Variants in FBXO21 observed in about 807,000 individuals in gnomAD.
The protein encoded by FBXO21 is F-box only protein 21.
FBXO21 carries 32 observed loss-of-function variants against 76.6 expected under a neutral mutation model. The ratio of observed to expected loss-of-function variants is 0.42; its 90% CI spans 0.32 to 0.56. The LOEUF (loss-of-function observed/expected upper bound fraction) is 0.56. Among genes scored for constraint, FBXO21 ranks in the 20% least tolerant of loss-of-function variants. The probability of loss-of-function intolerance (pLI) is 0.16; values close to 1 mark genes in which losing one functional copy is unlikely to be tolerated. For synonymous variants in FBXO21, 328 were observed against 311.5 expected (o/e 1.05, Z -0.56); for missense variants, 586 against 797.3 (o/e 0.73, Z 3.19).
intron 10 of FBXO21, 52 bp from the exon 11 acceptor site, chr12:117,156,000 C>A: frequency 6.4e-7 from 1 of 1,574,006 alleles, no homozygotes; most frequent in Non-Finnish European, 8.7e-7. Flanking sequence ...CCGCAACAAC[C>A]TCCAGACAAC....
intron 7 of FBXO21, among the ~76,000 whole-genome samples, chr12:117,168,523 C>CAAAAAAATAA (rs1197114253): frequency 1.4e-5 from 2 of 146,222 alleles, no homozygotes; most frequent in East Asian, 4.0e-4. Flanking sequence ...GACTCCATCT[C>CAAAAAAATAA]AAAAAAATAA....
Position 117,166,967 on chromosome 12 carries a change from A to G in FBXO21, c.1124T>C (p.Leu375Pro), listed in dbSNP as rs768665336. 1 of 1,614,112 alleles carries G rather than the reference A, an allele frequency of 6.2e-7. No homozygotes were observed. Among genetic ancestry groups the G allele is most frequent in the Admixed American group, 1.7e-5 (1 of 60,014 alleles). The change falls in exon 8 of 12, where the codon CTG (leucine) becomes CCG (proline). Residue 375 changes from leucine (L) to proline (P), a missense_variant. Physicochemically the swap from Leu to Pro is moderately conservative, Grantham distance 98. Transcript: ENST00000622495. ...CTTCTTGACATTGACCACCCCATACAGTGCTGCAGTCACGTGCTGGCCGAT... is the reference window on the plus strand; with the variant it reads ...CTTCTTGACATTGACCACCCCATACGGTGCTGCAGTCACGTGCTGGCCGAT... ...YLIGQHVTAA[L>P]YGVVNVKKVL... is the part of the protein sequence containing the mutation.
chr12:117,174,728 A>G lies in FBXO21; in HGVS notation c.662T>C (p.Ile221Thr), dbSNP rs747137561. 9 of 1,614,216 alleles carry G rather than the reference A, an allele frequency of 5.6e-6. No individual in the cohort carries two copies. The highest frequency in any genetic ancestry group is 7.6e-6 in the Non-Finnish European group (9 of 1,180,028). ...DISLKDIQAQIDSIVELVCKT... is the reference protein window; with the variant it reads ...DISLKDIQAQTDSIVELVCKT... Reference sequence around the variant, plus strand: ...GCAAACAAGCTCCACGATGCTGTCAATTTGGGCCTGGATGTCTTTGAGGCT... The same window carrying G: ...GCAAACAAGCTCCACGATGCTGTCAGTTTGGGCCTGGATGTCTTTGAGGCT... Residue 221 changes from isoleucine to threonine, a missense_variant, in exon 5 of 12, where the codon ATT (isoleucine) becomes ACT (threonine). Physicochemically the swap from Ile to Thr is moderately conservative, Grantham distance 89 (BLOSUM62 -1). Coordinates refer to ENST00000622495, the MANE Select transcript of FBXO21 (RefSeq NM_015002.3).
intron 7 of FBXO21, among the ~76,000 whole-genome samples, chr12:117,168,073 G>A (rs892531607): frequency 3.3e-5 from 5 of 152,144 alleles, no homozygotes; most frequent in Non-Finnish European, 7.3e-5. Flanking sequence ...TCCTCATGGA[G>A]GATTCAGGTG....
Position 117,174,786 on chromosome 12 carries a change from T to C in FBXO21, c.604A>G (p.Ile202Val), listed in dbSNP as rs751522005. ...GAGAGAGGATTGCAGTACTGGTCAATATATACAGCACCTGAAAATGAACAA... is the reference window on the plus strand; with the variant it reads ...GAGAGAGGATTGCAGTACTGGTCAACATATACAGCACCTGAAAATGAACAA... ...YESYLEGAVY[I>V]DQYCNPLSDI... Residue 202 changes from isoleucine to valine, a missense_variant, in exon 5 of 12, where the codon ATT becomes GTT. Physicochemically the swap from Ile to Val is conservative, Grantham distance 29. This residue lies in a region of FBXO21 where 246 missense variants were observed against 356.8 expected (regional missense o/e 0.69). Coordinates refer to ENST00000622495, the MANE Select transcript of FBXO21 (RefSeq NM_015002.3). The C allele has an allele frequency of 1.4e-5, 23 of 1,613,716 alleles. 1 individual carries two copies. The South Asian group carries it at 1.8e-4, about 12-fold the overall frequency.
rs745931273 is a variant in FBXO21 at position 117,143,177 on chromosome 12, T to C, written c.*2910A>G. The C allele has an allele frequency of 6.6e-6, 1 of 152,188 alleles. No homozygotes were observed. The highest frequency in any genetic ancestry group is 1.9e-4 in the East Asian group (1 of 5,192). The allele number at this position is 152,188 out of a possible 1,614,324, so 9.4% of individuals were successfully genotyped here. ...CTCACTGAGACAGCTTTTCAAAGCATGTCTGCAAACACCGGACCCCCGGGG... is the reference window on the plus strand; with the variant it reads ...CTCACTGAGACAGCTTTTCAAAGCACGTCTGCAAACACCGGACCCCCGGGG... On this transcript the variant is annotated 3_prime_UTR_variant, in exon 12 of 12. Coordinates refer to ENST00000622495, the MANE Select transcript of FBXO21 (RefSeq NM_015002.3).
chr12:117,152,390 C>G (rs1955853606), intron 11 of FBXO21, among the ~76,000 whole-genome samples: 1 of 151,308 alleles, frequency 6.6e-6, no homozygotes, highest in Non-Finnish European at 1.5e-5. Context: ...CAATTGAGCC[C>G]AGGAGGTTGA....
intron 11 of FBXO21, among the ~76,000 whole-genome samples, chr12:117,152,852 A>G (rs1227616033): frequency 1.3e-5 from 2 of 152,188 alleles, no homozygotes; most frequent in East Asian, 3.9e-4. Context: ...CAAATATGGG[A>G]ATCATTTACT....
chr12:117,147,939 GAATT>G (rs972665558), intron 11 of FBXO21, among the ~76,000 whole-genome samples: 61 of 152,326 alleles, frequency 4.0e-4, no homozygotes, highest in African/African-American at 1.4e-3. Context: ...ATGGGTCTAT[GAATT>G]AATACCAGTA....
chr12:117,181,597 C>CAG (rs11281087), intron 3 of FBXO21, among the ~76,000 whole-genome samples: 29,608 of 136,580 alleles, frequency 0.22, 3,088 homozygotes, highest in East Asian at 0.27. Context: ...CTATCTGAGA[C>CAG]AGTCTATCTA....
chr12:117,172,546 C>T lies in FBXO21; in HGVS notation c.938G>A (p.Arg313Gln), dbSNP rs765884481. The change falls in exon 7 of 12, where the codon CGG becomes CAG. Residue 313 changes from arginine to glutamine, a missense_variant. This residue lies in a region of FBXO21 where 246 missense variants were observed against 356.8 expected (regional missense o/e 0.69). Transcript: ENST00000622495. ...SMSLLYLTIA[R>Q]QLGVPLEPVN... Reference sequence around the variant, plus strand: ...AGGCTCCAGTGGGACTCCCAACTGCCGAGCAATTGTCAAATAGAGCAGAGA... The same window carrying T: ...AGGCTCCAGTGGGACTCCCAACTGCTGAGCAATTGTCAAATAGAGCAGAGA... 9.9e-6 allele frequency: 16 copies of T among 1,613,952 alleles called. No homozygotes were observed. The Admixed American group carries it at 1.2e-4, about 12-fold the overall frequency.
intron 1 of FBXO21, among the ~76,000 whole-genome samples, 168 bp downstream of exon 1, chr12:117,190,050 G>GC (rs958459385): frequency 2.6e-5 from 4 of 151,910 alleles, no homozygotes; most frequent in Non-Finnish European, 4.4e-5. Flanking sequence ...GCCTGGCGTG[G>GC]CCCCGCAGGG....
chr12:117,189,449 G>T, intron 1 of FBXO21, 87 bp from the exon 2 acceptor site: 1 of 1,466,186 alleles, frequency 6.8e-7, no homozygotes, highest in Non-Finnish European at 9.5e-7. Flanking sequence ...AACAGGGACA[G>T]CAGTGGCGTC....
rs1593051975 is a variant in FBXO21, at chr12:117,144,422, T to A, written c.*1665A>T. 6.6e-6 allele frequency: 1 copy of A among 152,238 alleles called. No homozygotes were observed. Among genetic ancestry groups the A allele is most frequent in the Admixed American group, 6.5e-5 (1 of 15,282 alleles). 9.4% of individuals were successfully genotyped at this position (152,238 alleles called of 1,614,324 possible). A position where few individuals can be genotyped will look rare whatever the true frequency, so the allele number is the denominator to read the frequency against. ...AGTGGATTAAATAGCTCATTCAGGCTGGAGGAGCCAGGGGCCAAATCCCCA... is the reference window on the plus strand; with the variant it reads ...AGTGGATTAAATAGCTCATTCAGGCAGGAGGAGCCAGGGGCCAAATCCCCA... On this transcript the variant is annotated 3_prime_UTR_variant, in exon 12 of 12. Coordinates refer to ENST00000622495, the MANE Select transcript of FBXO21 (RefSeq NM_015002.3).
intron 8 of FBXO21, among the ~76,000 whole-genome samples, chr12:117,166,051 G>T (rs544359667): frequency 6.6e-6 from 1 of 152,136 alleles, no homozygotes; most frequent in Non-Finnish European, 1.5e-5. Context: ...TTAGCTGGGC[G>T]TGGTGGCGCA....
intron 8 of FBXO21, 104 bp from the exon 9 acceptor site, chr12:117,165,721 C>A: frequency 1.7e-6 from 2 of 1,157,086 alleles, no homozygotes; most frequent in Non-Finnish European, 2.3e-6. Context: ...AAATCCCAAA[C>A]GTTTTCTGAT....
Position 117,142,660 on chromosome 12 carries a change from C to T in FBXO21, c.*3427G>A, listed in dbSNP as rs571813677. On this transcript the variant is annotated 3_prime_UTR_variant, in exon 12 of 12. Coordinates refer to ENST00000622495, the MANE Select transcript of FBXO21 (RefSeq NM_015002.3). ...ATTTTGCATTTTGTCCAGTTGATGT[C>T]TCTCCTTCCCTCCAAAAAAAAAAAA... The T allele has an allele frequency of 6.0e-5, 8 of 132,364 alleles. No homozygotes were observed. In the South Asian group the frequency reaches 1.9e-3, roughly 31 times the overall value. The allele number at this position is 132,364 out of a possible 1,614,324, so 8.2% of individuals were successfully genotyped here. A position where few individuals can be genotyped will look rare whatever the true frequency, so the allele number is the denominator to read the frequency against.
At chr12:117,181,599 GTCTATCTATCT>G (rs1202063597) in intron 3 of FBXO21, among the ~76,000 whole-genome samples, 2,412 of 145,638 alleles carry the variant, frequency 0.017, 70 homozygotes, top group East Asian at 0.12. Context: ...ATCTGAGACA[GTCTATCTATCT>G]ATCTATCTAT....
chr12:117,166,654 T>C (rs532712237), intron 8 of FBXO21, among the ~76,000 whole-genome samples: 7 of 152,204 alleles, frequency 4.6e-5, no homozygotes, highest in Non-Finnish European at 1.0e-4. Flanking sequence ...TATCTAATGA[T>C]AGGAAGGTAT....
Sources: allele counts gnomAD v4.1 joint callset (sites outside exome capture counted in the v4.1 genomes callset), GRCh38; gene constraint gnomAD v4.1.1; regional missense constraint gnomAD v4.1.1; transcripts MANE v1.5; gene names NCBI Gene and HGNC (gene_info 2026-07-23, HGNC 2026-07-21).